Variants in C10orf67 observed in about 807,000 individuals in gnomAD.
C10orf67 encodes uncharacterized protein C10orf67, mitochondrial.
In C10orf67, 60 loss-of-function variants were observed where a neutral mutation model predicts 35.6. The observed-to-expected ratio is 1.68, with a 90% CI of 1.37 to 2.09. The LOEUF is 2.09. Ranked by LOEUF, C10orf67 falls within the 30% of genes most tolerant of loss-of-function variation. The pLI is 0.00. For synonymous variants in C10orf67, 167 were observed against 115.8 expected (o/e 1.44, Z -2.84); for missense variants, 474 against 330.2 (o/e 1.44, Z -3.38).
At chr10:23,248,254 GA>G (rs1174549094) in intron 12 of C10orf67, among the ~76,000 whole-genome samples, 1 of 152,208 alleles carries the variant, frequency 6.6e-6, no homozygotes, top group South Asian at 2.1e-4. Context: ...GGTGGAGGTG[GA>G]AACAGCGGCA....
At chr10:23,293,089 C>T (rs1486939402) in intron 5 of C10orf67, among the ~76,000 whole-genome samples, 1 of 152,110 alleles carries the variant, frequency 6.6e-6, no homozygotes, top group African/African-American at 2.4e-5. Context: ...AGAATATGAA[C>T]ATCCACAGAG....
At chr10:23,286,386 G>A (rs1453037512) in intron 7 of C10orf67, among the ~76,000 whole-genome samples, 3 of 101,118 alleles carry the variant, frequency 3.0e-5, no homozygotes, top group African/African-American at 1.2e-4. Flanking sequence ...GGGACAGAGT[G>A]AGACTGAGAC....
intron 13 of C10orf67, among the ~76,000 whole-genome samples, chr10:23,225,282 G>T (rs1417417303): frequency 6.6e-6 from 1 of 152,114 alleles, no homozygotes; most frequent in Non-Finnish European, 1.5e-5. Flanking sequence ...CTTCATAAGT[G>T]AAGGAGAAAT....
At chr10:23,329,797 C>CAAAAAAAAAAAAAAAAA (rs398013008) in intron 2 of C10orf67, among the ~76,000 whole-genome samples, 44 of 48,048 alleles carry the variant, frequency 9.2e-4, no homozygotes, top group South Asian at 1.8e-3. Flanking sequence ...GAACTTGTCT[C>CAAAAAAAAAAAAAAAAA]AAAAAAAAAA....
At chr10:23,302,425 C>G (rs1844111281) in intron 5 of C10orf67, among the ~76,000 whole-genome samples, 1 of 152,052 alleles carries the variant, frequency 6.6e-6, no homozygotes, top group Non-Finnish European at 1.5e-5. Flanking sequence ...ACTTAACCAC[C>G]CTGTCTCTGC....
intron 13 of C10orf67, among the ~76,000 whole-genome samples, chr10:23,237,129 G>C (rs1842070548): frequency 6.6e-6 from 1 of 152,144 alleles, no homozygotes; most frequent in African/African-American, 2.4e-5. Context: ...GTGAGAACAT[G>C]TGGTATTTGG....
chr10:23,280,626 G>A (rs1169508836), intron 8 of C10orf67, among the ~76,000 whole-genome samples: 1 of 152,134 alleles, frequency 6.6e-6, no homozygotes, highest in Admixed American at 6.6e-5. Context: ...GCTGTCGTGG[G>A]GTTTGTGGTG....
At chr10:23,339,959 C>T (rs1845819217) in intron 1 of C10orf67, among the ~76,000 whole-genome samples, 1 of 152,172 alleles carries the variant, frequency 6.6e-6, no homozygotes, top group Non-Finnish European at 1.5e-5. Flanking sequence ...ATTCACTTTT[C>T]CAGTCTAGAA....
chr10:23,249,402 G>C (rs548716395), intron 12 of C10orf67, among the ~76,000 whole-genome samples: 1 of 152,276 alleles, frequency 6.6e-6, no homozygotes, highest in South Asian at 2.1e-4. Flanking sequence ...ATGTGAGACA[G>C]GGCAGGTGTT....
At chr10:23,272,926 T>A (rs1194020308) in intron 8 of C10orf67, among the ~76,000 whole-genome samples, 1 of 152,236 alleles carries the variant, frequency 6.6e-6, no homozygotes, top group Non-Finnish European at 1.5e-5. Context: ...TGTTTATCCA[T>A]AAGCACTTCA....
chr10:23,240,188 CT>C (rs1842146936), intron 12 of C10orf67, among the ~76,000 whole-genome samples: 1 of 152,068 alleles, frequency 6.6e-6, no homozygotes, highest in African/African-American at 2.4e-5. Context: ...GAGACCCTGT[CT>C]GACAAAAAAC....
At chr10:23,267,969 G>T (rs193088679) in intron 8 of C10orf67, among the ~76,000 whole-genome samples, 1 of 151,920 alleles carries the variant, frequency 6.6e-6, no homozygotes, top group Admixed American at 6.6e-5. Flanking sequence ...CTTCAATAAC[G>T]TAATGAATGA....
At chr10:23,271,750 G>C (rs1201274749) in intron 8 of C10orf67, among the ~76,000 whole-genome samples, 4 of 152,060 alleles carry the variant, frequency 2.6e-5, no homozygotes, top group Admixed American at 2.6e-4. Flanking sequence ...CAAATAGCTT[G>C]GCCATTTAAA....
At chr10:23,225,168 C>T (rs1053351266) in intron 13 of C10orf67, among the ~76,000 whole-genome samples, 6 of 152,212 alleles carry the variant, frequency 3.9e-5, no homozygotes, top group African/African-American at 1.2e-4. Flanking sequence ...AACAGCGGAT[C>T]TCTCGGCAGA....
rs866146640 is a variant in C10orf67, at chr10:23,236,235, C to T, written c.1434+3494G>A. 2.3e-3 allele frequency among the ~76,000 whole-genome samples: 276 copies of T among 121,534 alleles called. 9 individuals carry two copies. The highest frequency in any genetic ancestry group is 1.9e-3 in the South Asian group (7 of 3,718). The allele number at this position is 121,534 out of a possible 152,430, so 79.7% of individuals were successfully genotyped here. A position where few individuals can be genotyped will look rare whatever the true frequency, so the allele number is the denominator to read the frequency against. On this transcript the variant is annotated intron_variant, in intron 13 of 15. Transcript: ENST00000636213. The stretch of plus-strand genomic sequence containing the variant: ...CTGCACTCCAACCTGGGCGACAGAG[C>T]GAGACTCCCTCTCGGGGGAAAAAAA...
At chr10:23,257,911 T>TC (rs1185120606) in intron 10 of C10orf67, among the ~76,000 whole-genome samples, 2 of 150,984 alleles carry the variant, frequency 1.3e-5, no homozygotes, top group African/African-American at 4.9e-5. Context: ...GTCATACACA[T>TC]CCCCCCCACA....
chr10:23,323,658 C>A (rs534113763), intron 2 of C10orf67, among the ~76,000 whole-genome samples: 19 of 151,400 alleles, frequency 1.3e-4, no homozygotes, highest in Non-Finnish European at 2.7e-4. Flanking sequence ...TGCCTGTAAT[C>A]CCAACACTTT....
At chr10:23,280,804 G>A (rs141366744) in intron 8 of C10orf67, among the ~76,000 whole-genome samples, 314 of 152,290 alleles carry the variant, frequency 2.1e-3, no homozygotes, top group Non-Finnish European at 3.4e-3. Context: ...TCCTAGTATA[G>A]GCACAAATTC....
chr10:23,333,304 T>C (rs1845552995), intron 1 of C10orf67, 122 bp from the exon 2 acceptor site: 2 of 839,552 alleles, frequency 2.4e-6, no homozygotes, highest in East Asian at 5.4e-5. Flanking sequence ...GTTGGTGAGG[T>C]GAGGAAGCCT....
Sources: allele counts gnomAD v4.1 joint callset (sites outside exome capture counted in the v4.1 genomes callset), GRCh38; gene constraint gnomAD v4.1.1; transcripts MANE v1.5; gene names NCBI Gene and HGNC (gene_info 2026-07-23, HGNC 2026-07-21).